CUBN: variants seen among roughly 807,000 people sequenced by gnomAD.
CUBN encodes the protein 460 kDa receptor.
A neutral mutation model predicts 405.3 loss-of-function variants in CUBN; 282 were observed. The observed-to-expected ratio is 0.70, with a 90% CI of 0.63 to 0.77. CUBN has a LOEUF of 0.77. CUBN is among the 30% of genes least tolerant of loss of function. CUBN has a pLI of 0.00. For synonymous variants in CUBN, 1,684 were observed against 1,617.0 expected, an observed-to-expected ratio of 1.04 and a Z score of -0.99; for missense variants, 4,514 against 4,475.2, an observed-to-expected ratio of 1.01 and a Z score of -0.25.
At chr10:17,098,571 C>A (rs1588640602) in intron 14 of CUBN, among the ~76,000 whole-genome samples, 1 of 151,916 alleles carries the variant, frequency 6.6e-6, no homozygotes, top group East Asian at 1.9e-4. Context: ...AAGGTCCTAG[C>A]CAGGGCAATA....
intron 14 of CUBN, among the ~76,000 whole-genome samples, chr10:17,091,179 C>G (rs764396718): frequency 6.6e-6 from 1 of 152,154 alleles, no homozygotes; most frequent in Non-Finnish European, 1.5e-5. Context: ...AGTTCAGAAA[C>G]TAACTGGAAA....
chr10:17,068,191 G>A lies in CUBN; in HGVS notation c.2881C>T (p.His961Tyr), dbSNP rs1436858354. 5 of 1,613,440 alleles carry A rather than the reference G, an allele frequency of 3.1e-6. No homozygotes were observed. In the East Asian group the frequency reaches 6.7e-5, roughly 22 times the overall value. The change falls in exon 21 of 67, where the codon CAT becomes TAT. Residue 961 changes from histidine (H) to tyrosine (Y), a missense_variant. By Grantham distance (83) the His-to-Tyr change is moderately conservative. Coordinates refer to ENST00000377833, the MANE Select transcript of CUBN (RefSeq NM_001081.4). Reference sequence around the variant, plus strand: ...AGGTGATTAGGTTGGACTAATATATGCCAAGTACAGTTGATACCGTGGGGG... The same window carrying A: ...AGGTGATTAGGTTGGACTAATATATACCAAGTACAGTTGATACCGTGGGGG... ...VYPHGINCTW[H>Y]ILVQPNHLIH...
chr10:16,891,070 A>G (rs1215603599), intron 54 of CUBN, among the ~76,000 whole-genome samples: 1 of 152,220 alleles, frequency 6.6e-6, no homozygotes, highest in East Asian at 1.9e-4. Flanking sequence ...TTTGATGAAA[A>G]GCTGACATCC....
rs540663995 is a variant in CUBN, at chr10:16,914,794, G to A, written c.7351+238C>T. ...AGTAACTACAGGACTCTCTTAAGGT[G>A]GGCATTACAGTATAACTCTCATCCT... On this transcript the variant is annotated intron_variant, in intron 47 of 66. Coordinates refer to ENST00000377833, the MANE Select transcript of CUBN (RefSeq NM_001081.4). Among the ~76,000 whole-genome samples, 4 of 152,218 alleles carry A rather than the reference G, an allele frequency of 2.6e-5. No homozygotes were observed. The South Asian group carries it at 8.3e-4, about 32-fold the overall frequency.
intron 6 of CUBN, among the ~76,000 whole-genome samples, chr10:17,118,384 A>G (rs1248814702): frequency 2.0e-5 from 3 of 152,198 alleles, no homozygotes; most frequent in Non-Finnish European, 2.9e-5. Flanking sequence ...TTATATTCTT[A>G]CATTCTGATA....
intron 27 of CUBN, among the ~76,000 whole-genome samples, chr10:17,020,505 G>T (rs1342144581): frequency 6.6e-6 from 1 of 152,052 alleles, no homozygotes; most frequent in African/African-American, 2.4e-5. Context: ...TAAAATAAAT[G>T]CTACCTGTAA....
At position 16,928,113 on chromosome 10, in the gene CUBN, G is replaced by A. The variant is rs370073333; in HGVS notation, c.6271+44C>T. On this transcript the variant is annotated intron_variant, in intron 41 of 66. Coordinates refer to ENST00000377833, the MANE Select transcript of CUBN (RefSeq NM_001081.4). ...AGAGAGAAAGAGAGAGGAAAAGAGA[G>A]GAGATGAGATAACATGGGATTAAAA... 10 of 1,592,328 alleles carry A rather than the reference G, an allele frequency of 6.3e-6. 1 individual carries two copies. The South Asian group carries it at 8.8e-5, about 14-fold the overall frequency.
intron 22 of CUBN, among the ~76,000 whole-genome samples, chr10:17,063,046 T>G (rs1332436173): frequency 1.3e-5 from 2 of 152,162 alleles, no homozygotes; most frequent in Non-Finnish European, 2.9e-5. Context: ...GCCACTGCCT[T>G]AAAGTACTAG....
chr10:17,116,620 A>C (rs1836906779), intron 6 of CUBN, among the ~76,000 whole-genome samples: 1 of 152,260 alleles, frequency 6.6e-6, no homozygotes, highest in South Asian at 2.1e-4. Context: ...AACAAGACAC[A>C]GTGAGGTACA....
At chr10:16,879,282 T>G (rs1301901569) in intron 56 of CUBN, among the ~76,000 whole-genome samples, 1 of 152,210 alleles carries the variant, frequency 6.6e-6, no homozygotes, top group African/African-American at 2.4e-5. Flanking sequence ...CGAAACTTCA[T>G]TGTGATATTT....
chr10:16,880,717 T>C (rs1840644800), intron 56 of CUBN, among the ~76,000 whole-genome samples: 1 of 152,218 alleles, frequency 6.6e-6, no homozygotes, highest in South Asian at 2.1e-4. Flanking sequence ...TTAAATCATT[T>C]TAAGAATACA....
rs71377018 is a variant in CUBN at position 17,115,243 on chromosome 10, CA to C, written c.720+227del. Among the ~76,000 whole-genome samples the C allele has an allele frequency of 0.093, 11,372 of 121,950 alleles. 477 individuals are homozygous for C. The highest frequency in any genetic ancestry group is 0.2 in the South Asian group (732 of 3,590). 80.0% of individuals were successfully genotyped at this position (121,950 alleles called of 152,430 possible). On this transcript the variant is annotated intron_variant, in intron 7 of 66. Transcript: ENST00000377833. ...TGGGTGACAGAGTGAGGCTCCATCTCAAAAAAAAAAAAAAAAAAAAATCCTA... is the reference window on the plus strand; with the variant it reads ...TGGGTGACAGAGTGAGGCTCCATCTCAAAAAAAAAAAAAAAAAAAATCCTA...
In CUBN at chr10:16,890,036, C is replaced by G. The variant is rs117466020; in HGVS notation, c.8755+335G>C. ...GAATCTGCATGTGTTTCAAGCCCCC[C>G]ACGGGATTTTGTGGTCAAGGTGCCA... is the stretch of plus-strand genomic sequence containing the variant. On this transcript the variant is annotated intron_variant, in intron 55 of 66. Coordinates refer to ENST00000377833, the MANE Select transcript of CUBN (RefSeq NM_001081.4). Among the ~76,000 whole-genome samples the G allele has an allele frequency of 2.0e-5, 3 of 152,066 alleles. No individual in the cohort carries two copies. The South Asian group carries it at 6.2e-4, about 32-fold the overall frequency.
At chr10:17,019,735 T>A in intron 28 of CUBN, 98 bp downstream of exon 28, 1 of 1,428,898 alleles carries the variant, frequency 7.0e-7, no homozygotes, top group Non-Finnish European at 9.9e-7. Context: ...GGTTCCATTA[T>A]TTGTTCATGG....
chr10:16,943,196 T>C lies in CUBN; in HGVS notation c.5343-2959A>G, dbSNP rs151300658. Among the ~76,000 whole-genome samples the C allele has an allele frequency of 5.9e-5, 9 of 152,294 alleles. No individual in the cohort carries two copies. The East Asian group carries it at 1.7e-3, about 29-fold the overall frequency. On this transcript the variant is annotated intron_variant, in intron 36 of 66. Transcript: ENST00000377833. ...GCTCTAACCTAGCTCTCAAGCCAGA[T>C]ACTAGCATTGGTAGGTCTCTAACCA... is the stretch of plus-strand genomic sequence containing the variant.
At position 17,104,653 on chromosome 10, in the gene CUBN, C is replaced by G. The variant is rs7068549; in HGVS notation, c.1231-48G>C. On this transcript the variant is annotated intron_variant, in intron 11 of 66. Transcript: ENST00000377833. The stretch of plus-strand genomic sequence containing the variant: ...ATACCATAAAACAAATGGATAGACA[C>G]TAAACTTTAATCAACCCAAATAATA... The G allele has an allele frequency of 4.1e-4, 575 of 1,396,786 alleles. 2 individuals carry two copies. The African/African-American group carries it at 7.4e-3, about 18-fold the overall frequency. The allele number at this position is 1,396,786 out of a possible 1,614,324, so 86.5% of individuals were successfully genotyped here.
chr10:16,839,762 C>T (rs541887474), intron 62 of CUBN, among the ~76,000 whole-genome samples: 4 of 151,414 alleles, frequency 2.6e-5, no homozygotes, highest in African/African-American at 9.7e-5. Flanking sequence ...AAGACACATG[C>T]ACACGTATGT....
At chr10:16,969,369 T>TA (rs1017591918) in intron 31 of CUBN, among the ~76,000 whole-genome samples, 1 of 151,874 alleles carries the variant, frequency 6.6e-6, no homozygotes, top group Non-Finnish European at 1.5e-5. Context: ...CCATTTTTTT[T>TA]TTTTTAGATG....
chr10:17,032,862 C>T (rs922647169), intron 27 of CUBN, among the ~76,000 whole-genome samples: 1 of 152,282 alleles, frequency 6.6e-6, no homozygotes, highest in Non-Finnish European at 1.5e-5. Context: ...GCGTCCAGTT[C>T]TATCTATCAG....
Sources: gnomAD v4.1 joint callset for allele counts (sites outside exome capture counted in the v4.1 genomes callset) on GRCh38, gnomAD v4.1.1 for gene constraint, MANE v1.5 for transcripts, NCBI Gene and HGNC (gene_info 2026-07-23, HGNC 2026-07-21) for gene names.